KCTD16: variants seen among roughly 807,000 people sequenced by gnomAD.
KCTD16 encodes BTB/POZ domain-containing protein KCTD16.
In KCTD16, 13 loss-of-function variants were observed where a neutral mutation model predicts 33.2. That is an observed-to-expected ratio of 0.39 (90% CI 0.25 to 0.62). The LOEUF is 0.62. KCTD16 is among the 20% of genes least tolerant of loss of function. KCTD16 has a pLI of 0.50. For missense variants in KCTD16, 441 were observed against 525.1 expected (o/e 0.84, Z 1.57); for synonymous variants, 197 against 195.3 (o/e 1.01, Z -0.07).
intron 3 of KCTD16, among the ~76,000 whole-genome samples, chr5:144,231,673 C>G (rs936299672): frequency 1.3e-5 from 2 of 152,072 alleles, no homozygotes; most frequent in Non-Finnish European, 2.9e-5. Context: ...TTCCCCCATA[C>G]TGTTCTCATG....
chr5:144,347,351 T>C (rs1213774700), intron 3 of KCTD16, among the ~76,000 whole-genome samples: 2 of 152,132 alleles, frequency 1.3e-5, no homozygotes, highest in Admixed American at 6.5e-5. Flanking sequence ...TCCCAGCACT[T>C]TGGGAGGCTG....
At chr5:144,370,384 T>C (rs977944324) in intron 3 of KCTD16, among the ~76,000 whole-genome samples, 2 of 152,196 alleles carry the variant, frequency 1.3e-5, no homozygotes, top group African/African-American at 4.8e-5. Context: ...AAAGAGTGAC[T>C]ATGGTTTCCA....
chr5:144,292,970 G>T (rs556126447), intron 3 of KCTD16, among the ~76,000 whole-genome samples: 3 of 152,202 alleles, frequency 2.0e-5, no homozygotes, highest in African/African-American at 7.2e-5. Flanking sequence ...AGCACAAGGC[G>T]TAAATTTCTT....
intron 3 of KCTD16, among the ~76,000 whole-genome samples, chr5:144,220,992 C>G (rs1370116541): frequency 1.3e-5 from 2 of 151,270 alleles, no homozygotes; most frequent in African/African-American, 2.4e-5. Flanking sequence ...AAAAGGGCAA[C>G]TTGAACCTTG....
intron 3 of KCTD16, among the ~76,000 whole-genome samples, chr5:144,432,295 C>A (rs537837098): frequency 6.6e-6 from 1 of 152,050 alleles, no homozygotes; most frequent in African/African-American, 2.4e-5. Flanking sequence ...GTGGTAGGAA[C>A]ATTAATAAGT....
chr5:144,387,712 T>A (rs1752355832), intron 3 of KCTD16, among the ~76,000 whole-genome samples: 3 of 152,180 alleles, frequency 2.0e-5, no homozygotes, highest in Admixed American at 2.0e-4. Context: ...ATGAATGACT[T>A]TGTAGGTGTA....
chr5:144,327,663 AT>A (rs1196851916), intron 3 of KCTD16, among the ~76,000 whole-genome samples: 1 of 152,202 alleles, frequency 6.6e-6, no homozygotes, highest in Non-Finnish European at 1.5e-5. Flanking sequence ...ATACACATGA[AT>A]TAAAAAAATG....
At chr5:144,363,775 G>T (rs1429522998) in intron 3 of KCTD16, among the ~76,000 whole-genome samples, 1 of 152,138 alleles carries the variant, frequency 6.6e-6, no homozygotes, top group Non-Finnish European at 1.5e-5. Flanking sequence ...ACCTCCCAGA[G>T]ATCAACAGTT....
At chr5:144,240,662 G>A (rs1019240053) in intron 3 of KCTD16, among the ~76,000 whole-genome samples, 1 of 151,892 alleles carries the variant, frequency 6.6e-6, no homozygotes, top group Non-Finnish European at 1.5e-5. Context: ...TAATCCTCAC[G>A]TCTCCTTAGT....
At chr5:144,226,429 A>G (rs1753932438) in intron 3 of KCTD16, among the ~76,000 whole-genome samples, 1 of 152,208 alleles carries the variant, frequency 6.6e-6, no homozygotes, top group South Asian at 2.1e-4. Context: ...CCTATCCATG[A>G]GGTAATATTT....
chr5:144,426,208 A>T (rs1011162274), intron 3 of KCTD16, among the ~76,000 whole-genome samples: 1 of 152,206 alleles, frequency 6.6e-6, no homozygotes, highest in African/African-American at 2.4e-5. Flanking sequence ...GGGCATTGGC[A>T]CAATTCAACC....
At chr5:144,399,470 A>G (rs956134172) in intron 3 of KCTD16, among the ~76,000 whole-genome samples, 2 of 152,150 alleles carry the variant, frequency 1.3e-5, no homozygotes, top group African/African-American at 4.8e-5. Flanking sequence ...TCCCATTAGC[A>G]AAGTGGTTGT....
At chr5:144,433,737 C>G (rs937826880) in intron 3 of KCTD16, among the ~76,000 whole-genome samples, 1 of 152,122 alleles carries the variant, frequency 6.6e-6, no homozygotes, top group African/African-American at 2.4e-5. Context: ...TTCTTACATG[C>G]CTGGTAGAGT....
intron 3 of KCTD16, among the ~76,000 whole-genome samples, chr5:144,338,645 T>A (rs1427686005): frequency 6.6e-6 from 1 of 152,294 alleles, no homozygotes; most frequent in Middle Eastern, 3.4e-3. Context: ...ATTTAAGGGT[T>A]AGTGAGAGAC....
At chr5:144,260,433 G>T (rs1014834785) in intron 3 of KCTD16, among the ~76,000 whole-genome samples, 1 of 152,296 alleles carries the variant, frequency 6.6e-6, no homozygotes, top group Non-Finnish European at 1.5e-5. Context: ...GATGGAGAAA[G>T]AACACCAAGC....
At chr5:144,231,829 A>G (rs1273685574) in intron 3 of KCTD16, among the ~76,000 whole-genome samples, 3 of 152,172 alleles carry the variant, frequency 2.0e-5, no homozygotes, top group Admixed American at 2.0e-4. Context: ...GCCCCCAGCC[A>G]TGCTGAACTG....
At chr5:144,330,004 C>G in intron 3 of KCTD16, among the ~76,000 whole-genome samples, 1 of 152,084 alleles carries the variant, frequency 6.6e-6, no homozygotes. Context: ...CTAAATTCAC[C>G]AAGTCCATTA....
intron 3 of KCTD16, among the ~76,000 whole-genome samples, chr5:144,418,128 C>T (rs1753118700): frequency 6.6e-6 from 1 of 152,080 alleles, no homozygotes; most frequent in Non-Finnish European, 1.5e-5. Flanking sequence ...GGTTCTCCTG[C>T]CCTCACTGGC....
In KCTD16 at chr5:144,286,825, A is replaced by C. The variant is rs192012188; in HGVS notation, c.832+79279A>C. On this transcript the variant is annotated intron_variant, in intron 3 of 3. Coordinates refer to ENST00000512467, the MANE Select transcript of KCTD16 (RefSeq NM_020768.4). The stretch of plus-strand genomic sequence containing the variant: ...CTTAGCATGGTTGGTGAGGAAAAAA[A>C]TCTATCTTCTATGATAATTGTAGTA... 1.3e-4 allele frequency among the ~76,000 whole-genome samples: 20 copies of C among 152,298 alleles called. No individual in the cohort carries two copies. The East Asian group carries it at 2.7e-3, about 21-fold the overall frequency.
Sources: allele counts gnomAD v4.1 joint callset (sites outside exome capture counted in the v4.1 genomes callset), GRCh38; gene constraint gnomAD v4.1.1; transcripts MANE v1.5; gene names NCBI Gene and HGNC (gene_info 2026-07-23, HGNC 2026-07-21).